Variants in SNAP47 observed in about 807,000 individuals in gnomAD.
SNAP47 encodes synaptosomal-associated protein 47.
Under a neutral mutation model 31.4 loss-of-function variants are expected in SNAP47, and 20 were observed. The ratio of observed to expected loss-of-function variants is 0.64; its 90% CI spans 0.45 to 0.93. The LOEUF (loss-of-function observed/expected upper bound fraction) is 0.93, where lower values mean the gene tolerates loss of function less well. Ranked by LOEUF, SNAP47 falls within the 40% of genes least tolerant of loss-of-function variation. The pLI, the probability that SNAP47 is intolerant of heterozygous loss-of-function variation, is 0.00. For missense variants in SNAP47, 492 were observed against 528.5 expected, an observed-to-expected ratio of 0.93 and a Z score of 0.68; for synonymous variants, 194 against 213.4, an observed-to-expected ratio of 0.91 and a Z score of 0.79.
chr1:227,748,340 A>T, intron 2 of SNAP47, 107 bp downstream of exon 2: 1 of 1,243,982 alleles, frequency 8.0e-7, no homozygotes, highest in Non-Finnish European at 1.1e-6. Flanking sequence ...GCACACATCC[A>T]GCATTCTGAG....
chr1:227,732,495 G>A (rs201553155), upstream of SNAP47: 934 of 1,613,222 alleles, frequency 5.8e-4, no homozygotes, highest in Non-Finnish European at 7.5e-4. Flanking sequence ...GTCGGGGTGC[G>A]CAACCAAGGA....
At chr1:227,759,549 C>A in intron 3 of SNAP47, 64 bp downstream of exon 3, 1 of 1,562,640 alleles carries the variant, frequency 6.4e-7, no homozygotes, top group Non-Finnish European at 8.7e-7. Flanking sequence ...AGACTCAGCA[C>A]GCCTGTGGGA....
chr1:227,761,404 A>C lies in SNAP47; in HGVS notation c.988+1919A>C, dbSNP rs573519136. ...CACGTAGTTGAATCACAGAAAACCT[A>C]CCACCTTTCTGTATATGTCTTAAAG... On this transcript the variant is annotated intron_variant, in intron 3 of 4. Coordinates refer to ENST00000617596, the MANE Select transcript of SNAP47 (RefSeq NM_053052.4). Among the ~76,000 whole-genome samples the C allele has an allele frequency of 3.3e-5, 5 of 152,212 alleles. No homozygotes were observed. The East Asian group carries it at 5.8e-4, about 18-fold the overall frequency.
At chr1:227,735,363 C>A (rs761237228), upstream of SNAP47, 53 of 1,591,746 alleles carry the variant, frequency 3.3e-5, no homozygotes, top group Non-Finnish European at 4.4e-5. Context: ...AGACGCAGGG[C>A]GCCGCGTTTC....
chr1:227,756,753 G>A (rs555334723), intron 2 of SNAP47, among the ~76,000 whole-genome samples: 3 of 152,378 alleles, frequency 2.0e-5, no homozygotes, highest in African/African-American at 7.2e-5. Flanking sequence ...CTCCCATGGC[G>A]TGTTGCTGCC....
chr1:227,769,786 C>T (rs1204756272), intron 4 of SNAP47, among the ~76,000 whole-genome samples: 2 of 152,200 alleles, frequency 1.3e-5, no homozygotes, highest in Admixed American at 6.5e-5. Flanking sequence ...CTTCTCTTTG[C>T]GGCTGTGGAA....
At chr1:227,773,718 C>A (rs1285800427) in intron 4 of SNAP47, among the ~76,000 whole-genome samples, 1 of 152,244 alleles carries the variant, frequency 6.6e-6, no homozygotes, top group Non-Finnish European at 1.5e-5. Context: ...GCTCCAGCTA[C>A]TTGTGCTGCT....
At chr1:227,769,083 G>A (rs1030006207) in intron 4 of SNAP47, among the ~76,000 whole-genome samples, 2 of 152,230 alleles carry the variant, frequency 1.3e-5, no homozygotes, top group African/African-American at 4.8e-5. Context: ...CGGGAGCGTT[G>A]GGGAGGTGGT....
chr1:227,733,164 T>C, upstream of SNAP47: 4 of 1,044,302 alleles, frequency 3.8e-6, no homozygotes, highest in Non-Finnish European at 5.5e-6. Flanking sequence ...CCAGCAGGGC[T>C]TGCTCAGCAG....
chr1:227,775,700 AT>A, intron 4 of SNAP47: 1 of 1,257,532 alleles, frequency 8.0e-7, no homozygotes. Flanking sequence ...ACCCTACTTC[AT>A]TAGGCTATTT....
At chr1:227,773,613 C>T (rs552170836) in intron 4 of SNAP47, among the ~76,000 whole-genome samples, 2 of 152,086 alleles carry the variant, frequency 1.3e-5, no homozygotes, top group South Asian at 2.1e-4. Context: ...GCCCTGCTCA[C>T]GGGAAGCGCT....
intron 4 of SNAP47, among the ~76,000 whole-genome samples, chr1:227,773,127 A>ATTTTTTTTTTTTTT: frequency 9.8e-6 from 1 of 102,370 alleles, no homozygotes; most frequent in Non-Finnish European, 1.9e-5. Flanking sequence ...CGTCCAGCTA[A>ATTTTTTTTTTTTTT]TTTTTTTTTT....
At position 227,756,221 on chromosome 1, in the gene SNAP47, T is replaced by C. The variant is rs532626341; in HGVS notation, c.498-2774T>C. Among the ~76,000 whole-genome samples the C allele has an allele frequency of 1.4e-3, 206 of 152,262 alleles. 1 individual carries two copies. Among genetic ancestry groups the C allele is most frequent in the African/African-American group, 4.6e-3 (193 of 41,554 alleles). On this transcript the variant is annotated intron_variant, in intron 2 of 4. Transcript: ENST00000617596. ...AGTGGTAAAGTAATAGGAAAGAAAA[T>C]TTGGCTTAATAAAAGCAACACTTCT...
At chr1:227,734,938 C>T (rs1660974445), upstream of SNAP47, 2 of 1,510,928 alleles carry the variant, frequency 1.3e-6, no homozygotes, top group Non-Finnish European at 1.8e-6. Flanking sequence ...GTGCCCCTCT[C>T]TAGGCGGGGG....
chr1:227,769,961 A>G (rs1384308357), intron 4 of SNAP47, among the ~76,000 whole-genome samples: 1 of 152,104 alleles, frequency 6.6e-6, no homozygotes, highest in African/African-American at 2.4e-5. Flanking sequence ...AACCAGGTGG[A>G]CACTCAGTGT....
At chr1:227,729,244 G>A (rs1176011847) in intron 1 of SNAP47, among the ~76,000 whole-genome samples, 1 of 152,174 alleles carries the variant, frequency 6.6e-6, no homozygotes, top group African/African-American at 2.4e-5. Flanking sequence ...AGGCAGGAGT[G>A]AGAGGCCCAG....
intron 4 of SNAP47, chr1:227,768,396 G>A (rs1663575444): frequency 1.7e-5 from 16 of 919,306 alleles, no homozygotes; most frequent in Non-Finnish European, 1.9e-5. Context: ...GCCCGGCCCT[G>A]TTTTTGTAGG....
upstream of SNAP47, chr1:227,732,716 C>A (rs554248769): frequency 6.2e-7 from 1 of 1,605,446 alleles, no homozygotes; most frequent in East Asian, 2.2e-5. Flanking sequence ...ACACCATGGA[C>A]ACAGTCCAAG....
At chr1:227,748,754 A>G (rs1662148670) in intron 2 of SNAP47, among the ~76,000 whole-genome samples, 1 of 152,104 alleles carries the variant, frequency 6.6e-6, no homozygotes, top group African/African-American at 2.4e-5. Flanking sequence ...GGGTGGAGTG[A>G]GGTCTGTCTT....
Sources: allele counts gnomAD v4.1 joint callset (sites outside exome capture counted in the v4.1 genomes callset), GRCh38; gene constraint gnomAD v4.1.1; transcripts MANE v1.5; gene names NCBI Gene and HGNC (gene_info 2026-07-23, HGNC 2026-07-21).